Variants in TMEM170B observed in about 807,000 individuals in gnomAD.
TMEM170B encodes the protein transmembrane protein 170B.
Under a neutral mutation model 13.0 loss-of-function variants are expected in TMEM170B, and 6 were observed. The ratio of observed to expected loss-of-function variants is 0.46; its 90% CI spans 0.25 to 0.91. The LOEUF (loss-of-function observed/expected upper bound fraction) is 0.91. Ranked by LOEUF, TMEM170B falls within the 40% of genes least tolerant of loss-of-function variation. TMEM170B has a pLI of 0.17. For missense variants in TMEM170B, 138 were observed against 165.2 expected (o/e 0.84, Z 0.90); for synonymous variants, 61 against 64.9 (o/e 0.94, Z 0.29).
chr6:11,563,318 A>C (rs2113776417), intron 1 of TMEM170B, among the ~76,000 whole-genome samples: 1 of 152,156 alleles, frequency 6.6e-6, no homozygotes, highest in East Asian at 1.9e-4. Flanking sequence ...CCTCCCCGCC[A>C]AGAAAAGGCA....
rs1453881072 is a variant in TMEM170B, at chr6:11,578,885, GA to G, written c.*3326del. On this transcript the variant is annotated 3_prime_UTR_variant, in exon 3 of 3. Coordinates refer to ENST00000379426, the MANE Select transcript of TMEM170B (RefSeq NM_001100829.3). ...GAAAGGTCTTTAAAGAACCTCTAAT[GA>G]AGAAAATGTGGCTGCCACATTGATG... 6.6e-6 allele frequency: 1 copy of G among 152,128 alleles called. No homozygotes were observed. The highest frequency in any genetic ancestry group is 2.4e-5 in the African/African-American group (1 of 41,430). 9.4% of individuals were successfully genotyped at this position (152,128 alleles called of 1,614,324 possible). A position where few individuals can be genotyped will look rare whatever the true frequency, so the allele number is the denominator to read the frequency against.
In TMEM170B at chr6:11,580,431, A is replaced by G. The variant is rs147680957; in HGVS notation, c.*4870A>G. ...CTCAAACCACTTCACTCTTGACACTACAGATTTTTCTCTCAGTCTCAATCA... is the reference window on the plus strand; with the variant it reads ...CTCAAACCACTTCACTCTTGACACTGCAGATTTTTCTCTCAGTCTCAATCA... On this transcript the variant is annotated 3_prime_UTR_variant, in exon 3 of 3. Transcript: ENST00000379426. The G allele has an allele frequency of 6.6e-6, 1 of 152,272 alleles. No individual in the cohort carries two copies. Among genetic ancestry groups the G allele is most frequent in the East Asian group, 1.9e-4 (1 of 5,186 alleles). 9.4% of individuals were successfully genotyped at this position (152,272 alleles called of 1,614,324 possible). A position where few individuals can be genotyped will look rare whatever the true frequency, so the allele number is the denominator to read the frequency against.
rs1759979934 is a variant in TMEM170B at position 11,583,051 on chromosome 6, T to C, written c.*7490T>C. The C allele has an allele frequency of 6.6e-6, 1 of 152,212 alleles. No individual in the cohort carries two copies. The highest frequency in any genetic ancestry group is 6.5e-5 in the Admixed American group (1 of 15,284). 9.4% of individuals were successfully genotyped at this position (152,212 alleles called of 1,614,324 possible). A position where few individuals can be genotyped will look rare whatever the true frequency, so the allele number is the denominator to read the frequency against. On this transcript the variant is annotated 3_prime_UTR_variant, in exon 3 of 3. Coordinates refer to ENST00000379426, the MANE Select transcript of TMEM170B (RefSeq NM_001100829.3). The stretch of plus-strand genomic sequence containing the variant: ...AAATCTCATTATGTATATAGCATAA[T>C]TTCCTGGAGAACACAAATTTTGCAG...
chr6:11,541,444 T>G (rs559696195), intron 1 of TMEM170B, among the ~76,000 whole-genome samples: 1 of 152,222 alleles, frequency 6.6e-6, no homozygotes, highest in Non-Finnish European at 1.5e-5. Context: ...TATCAAACTT[T>G]CTTTTGCAGC....
rs1759445686 is a variant in TMEM170B at position 11,546,684 on chromosome 6, A to G, written c.97+8310A>G. ...CCATTGTGTTACAATTGCCTGCAGTATTGAGTAAAGTAACATGCTATACAG... is the reference window on the plus strand; with the variant it reads ...CCATTGTGTTACAATTGCCTGCAGTGTTGAGTAAAGTAACATGCTATACAG... On this transcript the variant is annotated intron_variant, in intron 1 of 2. Coordinates refer to ENST00000379426, the MANE Select transcript of TMEM170B (RefSeq NM_001100829.3). 2.6e-5 allele frequency among the ~76,000 whole-genome samples: 4 copies of G among 152,212 alleles called. No individual in the cohort carries two copies. The South Asian group carries it at 8.3e-4, about 31-fold the overall frequency.
At chr6:11,550,699 A>T (rs1220759817) in intron 1 of TMEM170B, among the ~76,000 whole-genome samples, 1 of 152,212 alleles carries the variant, frequency 6.6e-6, no homozygotes, top group Non-Finnish European at 1.5e-5. Flanking sequence ...TAATCCCACG[A>T]GGTAGACACC....
intron 1 of TMEM170B, among the ~76,000 whole-genome samples, chr6:11,540,697 T>G (rs1759348027): frequency 6.6e-6 from 1 of 152,258 alleles, no homozygotes; most frequent in Non-Finnish European, 1.5e-5. Context: ...CTTAAGGGCA[T>G]CTGGAATGGT....
chr6:11,576,617 T>G lies in TMEM170B; in HGVS notation c.*1056T>G, dbSNP rs1759876848. Reference sequence around the variant, plus strand: ...TAGGCTCTGGAAATAAAGACCTCATTTGTAGAAATAAGTAACAAGTAAGTT... The same window carrying G: ...TAGGCTCTGGAAATAAAGACCTCATGTGTAGAAATAAGTAACAAGTAAGTT... On this transcript the variant is annotated 3_prime_UTR_variant, in exon 3 of 3. Transcript: ENST00000379426. The G allele has an allele frequency of 6.6e-6, 1 of 152,158 alleles. No homozygotes were observed. The allele number at this position is 152,158 out of a possible 1,614,324, so 9.4% of individuals were successfully genotyped here.
At chr6:11,569,722 T>C (rs1759776991) in intron 2 of TMEM170B, among the ~76,000 whole-genome samples, 2 of 152,158 alleles carry the variant, frequency 1.3e-5, no homozygotes, top group African/African-American at 4.8e-5. Flanking sequence ...TGTGTTTTTT[T>C]CCCCCACTGC....
chr6:11,557,871 G>A (rs1430688758), intron 1 of TMEM170B, among the ~76,000 whole-genome samples: 2 of 151,988 alleles, frequency 1.3e-5, no homozygotes, highest in African/African-American at 4.8e-5. Flanking sequence ...ATTTATCTTT[G>A]TACTCTTTAA....
At chr6:11,558,059 G>GC (rs1759613370) in intron 1 of TMEM170B, among the ~76,000 whole-genome samples, 1 of 152,046 alleles carries the variant, frequency 6.6e-6, no homozygotes, top group Admixed American at 6.6e-5. Context: ...ATGGGCTTAT[G>GC]CCACCACACC....
chr6:11,555,245 A>ATG (rs1759572986), intron 1 of TMEM170B, among the ~76,000 whole-genome samples: 2 of 152,050 alleles, frequency 1.3e-5, no homozygotes, highest in Admixed American at 6.6e-5. Flanking sequence ...TCTGATAAGA[A>ATG]GTTTCCTTTA....
At chr6:11,542,016 AAATAAT>A (rs59799542) in intron 1 of TMEM170B, among the ~76,000 whole-genome samples, 1 of 151,514 alleles carries the variant, frequency 6.6e-6, no homozygotes, top group Admixed American at 6.6e-5. Flanking sequence ...TACAATAATA[AAATAAT>A]AATAAGATAA....
At chr6:11,559,363 A>G (rs1759630895) in intron 1 of TMEM170B, among the ~76,000 whole-genome samples, 1 of 151,924 alleles carries the variant, frequency 6.6e-6, no homozygotes, top group African/African-American at 2.4e-5. Context: ...ATGCCTGGCT[A>G]ATTTTTTAAT....
intron 1 of TMEM170B, among the ~76,000 whole-genome samples, chr6:11,546,716 T>G (rs942589201): frequency 6.6e-6 from 1 of 152,242 alleles, no homozygotes; most frequent in Non-Finnish European, 1.5e-5. Context: ...ACAGGTTTGT[T>G]GCCTAGGAGC....
chr6:11,565,192 G>A (rs1175240240), intron 1 of TMEM170B, among the ~76,000 whole-genome samples: 1 of 152,138 alleles, frequency 6.6e-6, no homozygotes, highest in Non-Finnish European at 1.5e-5. Flanking sequence ...GGGCCACAAG[G>A]AGAAAATGAC....
At position 11,581,766 on chromosome 6, in the gene TMEM170B, C is replaced by T. The variant is rs1379868848; in HGVS notation, c.*6205C>T. The T allele has an allele frequency of 1.3e-5, 2 of 152,156 alleles. No homozygotes were observed. Among genetic ancestry groups the T allele is most frequent in the African/African-American group, 2.4e-5 (1 of 41,440 alleles). 9.4% of individuals were successfully genotyped at this position (152,156 alleles called of 1,614,324 possible). A position where few individuals can be genotyped will look rare whatever the true frequency, so the allele number is the denominator to read the frequency against. On this transcript the variant is annotated 3_prime_UTR_variant, in exon 3 of 3. Transcript: ENST00000379426. ...GAGAGTACTACTGATGATGACGCTT[C>T]TCTTGTTTTTAAAGTATTTACACAT...
chr6:11,537,795 C>T lies in TMEM170B; in HGVS notation c.-483C>T, dbSNP rs1259345196. Among the ~76,000 whole-genome samples the T allele has an allele frequency of 6.6e-6, 1 of 151,336 alleles. No homozygotes were observed. Among genetic ancestry groups the T allele is most frequent in the Non-Finnish European group, 1.5e-5 (1 of 67,664 alleles). On this transcript the variant is annotated 5_prime_UTR_variant, in exon 1 of 3. Transcript: ENST00000379426. ...GGGCGGGCAGGCGGGCGGCAGGTGC[C>T]GCCGCAGCCTCTGGCTGGTCCCGCG...
chr6:11,542,424 T>G (rs1759374036), intron 1 of TMEM170B, among the ~76,000 whole-genome samples: 1 of 152,182 alleles, frequency 6.6e-6, no homozygotes, highest in African/African-American at 2.4e-5. Flanking sequence ...AATATGATCT[T>G]AATACTTGCC....
Sources: allele counts gnomAD v4.1 joint callset (sites outside exome capture counted in the v4.1 genomes callset), GRCh38; gene constraint gnomAD v4.1.1; transcripts MANE v1.5; gene names NCBI Gene and HGNC (gene_info 2026-07-23, HGNC 2026-07-21).